TLN2: variants seen among roughly 807,000 people sequenced by gnomAD.
The protein encoded by TLN2 is talin-2.
Under a neutral mutation model 294.7 loss-of-function variants are expected in TLN2, and 118 were observed. That is an observed-to-expected ratio of 0.40 (90% CI 0.34 to 0.47). The LOEUF is 0.47. TLN2 is among the 20% of genes least tolerant of loss of function. The pLI is 0.84. For synonymous variants in TLN2, 1,431 were observed against 1,304.5 expected (o/e 1.10, Z -2.09); for missense variants, 3,083 against 3,282.2 (o/e 0.94, Z 1.48).
At chr15:62,761,418 T>C (rs1256924738) in intron 37 of TLN2, among the ~76,000 whole-genome samples, 1 of 152,144 alleles carries the variant, frequency 6.6e-6, no homozygotes, top group East Asian at 1.9e-4. Flanking sequence ...TAAATCTGTG[T>C]CTCTGCTTCC....
intron 39 of TLN2, 63 bp from the exon 40 acceptor site, chr15:62,763,500 T>C: frequency 6.5e-7 from 1 of 1,542,772 alleles, no homozygotes; most frequent in East Asian, 2.3e-5. Context: ...CCACCAGTGC[T>C]GGAGCAGGCT....
intron 1 of TLN2, among the ~76,000 whole-genome samples, chr15:62,404,912 A>G (rs1250582858): frequency 2.6e-5 from 4 of 152,192 alleles, no homozygotes; most frequent in Admixed American, 2.0e-4. Context: ...GGTTTGGTAC[A>G]CTCAAGAAGA....
chr15:62,404,453 T>C (rs941872323), intron 1 of TLN2, among the ~76,000 whole-genome samples: 10 of 152,182 alleles, frequency 6.6e-5, no homozygotes, highest in African/African-American at 2.4e-4. Context: ...GGGAGATGTC[T>C]CCTTCTTCTC....
In TLN2 at chr15:62,408,912, G is replaced by A. The variant is rs144499810; in HGVS notation, c.-238+18227G>A. 7.6e-3 allele frequency among the ~76,000 whole-genome samples: 1,144 copies of A among 150,122 alleles called. 13 individuals are homozygous for A. The highest frequency in any genetic ancestry group is 0.027 in the African/African-American group (1,099 of 40,872). On this transcript the variant is annotated intron_variant, in intron 1 of 58. Coordinates refer to ENST00000636159, the MANE Select transcript of TLN2 (RefSeq NM_015059.3). ...TGAGCTCAAACAATCCTCCTGCCTC[G>A]GCCTCCCAAAGTGCTGGGATTACAG...
At chr15:62,589,085 CGT>C (rs1044226762) in intron 1 of TLN2, among the ~76,000 whole-genome samples, 1 of 152,054 alleles carries the variant, frequency 6.6e-6, no homozygotes, top group Non-Finnish European at 1.5e-5. Context: ...TCGTAGATAA[CGT>C]GTGTGTGTTC....
At chr15:62,502,123 C>CAT (rs2140431636) in intron 1 of TLN2, among the ~76,000 whole-genome samples, 1 of 152,330 alleles carries the variant, frequency 6.6e-6, no homozygotes, top group Admixed American at 6.5e-5. Context: ...GATTGGAAGG[C>CAT]ATTGCCACAA....
At chr15:62,392,922 C>T (rs966113516) in intron 1 of TLN2, among the ~76,000 whole-genome samples, 4 of 152,034 alleles carry the variant, frequency 2.6e-5, no homozygotes, top group Admixed American at 6.6e-5. Context: ...TTATTTGGGA[C>T]CTCTATGCAA....
intron 1 of TLN2, among the ~76,000 whole-genome samples, chr15:62,535,507 T>A (rs2041294262): frequency 6.6e-6 from 1 of 151,562 alleles, no homozygotes; most frequent in Admixed American, 6.6e-5. Flanking sequence ...TCTCTCCAGG[T>A]AATTCTGGTA....
chr15:62,835,948 C>G lies in TLN2; in HGVS notation c.7249C>G (p.Gln2417Glu), dbSNP rs140723056. The G allele has an allele frequency of 3.7e-5, 59 of 1,614,220 alleles. No homozygotes were observed. The East Asian group carries it at 1.3e-3, about 35-fold the overall frequency. ...CTGTGAGGCGGCCAATGCCTCCGTTCAGGGACACGCCAGCGAGGAGAAGCT... is the reference window on the plus strand; with the variant it reads ...CTGTGAGGCGGCCAATGCCTCCGTTGAGGGACACGCCAGCGAGGAGAAGCT... ...SLCEAANASVQGHASEEKLIS... is the reference protein window; with the variant it reads ...SLCEAANASVEGHASEEKLIS... Residue 2417 changes from glutamine to glutamate, a missense_variant, in exon 57 of 59, where the codon CAG becomes GAG. Transcript: ENST00000636159.
At chr15:62,638,368 T>G (rs965782675) in intron 3 of TLN2, 2 of 363,448 alleles carry the variant, frequency 5.5e-6, no homozygotes, top group Non-Finnish European at 1.1e-5. Context: ...CACATATCCA[T>G]TTTTATAGCA....
chr15:62,763,618 T>C lies in TLN2; in HGVS notation c.5017T>C (p.Cys1673Arg). The change falls in exon 40 of 59, where the codon TGC (cysteine) becomes CGC (arginine). Residue 1673 changes from cysteine (C) to arginine (R), a missense_variant. Coordinates refer to ENST00000636159, the MANE Select transcript of TLN2 (RefSeq NM_015059.3). ...CDYSIDGINR[C>R]IRDIEQASLA... is the part of the protein sequence containing the mutation. ...TTACTCCATCGATGGCATCAACCGG[T>C]GCATCCGGGACATCGAGCAGGCCTC... 20 of 1,613,714 alleles carry C rather than the reference T, an allele frequency of 1.2e-5. No individual in the cohort carries two copies. The highest frequency in any genetic ancestry group is 1.7e-5 in the Non-Finnish European group (20 of 1,179,872).
chr15:62,489,222 AC>A (rs1441710203), intron 1 of TLN2, among the ~76,000 whole-genome samples: 3 of 152,192 alleles, frequency 2.0e-5, no homozygotes, highest in Non-Finnish European at 4.4e-5. Context: ...ATGAAGGTAT[AC>A]ACAGGGGTCC....
intron 37 of TLN2, among the ~76,000 whole-genome samples, chr15:62,757,099 A>T (rs1057309296): frequency 1.3e-5 from 2 of 152,230 alleles, no homozygotes; most frequent in Middle Eastern, 3.2e-3. Flanking sequence ...TATGTTACTC[A>T]TTCACTCCAT....
At chr15:62,489,312 C>G (rs1335012555) in intron 1 of TLN2, among the ~76,000 whole-genome samples, 1 of 152,204 alleles carries the variant, frequency 6.6e-6, no homozygotes, top group African/African-American at 2.4e-5. Context: ...AAAAACCAAA[C>G]AGGTTACACA....
chr15:62,749,062 G>C (rs2061774616), intron 33 of TLN2, among the ~76,000 whole-genome samples: 1 of 152,224 alleles, frequency 6.6e-6, no homozygotes, highest in South Asian at 2.1e-4. Flanking sequence ...CATAAAATCA[G>C]TGTACCTACT....
chr15:62,658,830 C>T (rs12593694), intron 9 of TLN2, among the ~76,000 whole-genome samples: 44,019 of 151,922 alleles, frequency 0.29, 6,824 homozygotes, highest in East Asian at 0.64. Context: ...TCTAGCCTCA[C>T]GGCTGGCCCC....
intron 32 of TLN2, among the ~76,000 whole-genome samples, chr15:62,743,630 A>C (rs1380455866): frequency 3.9e-4 from 59 of 152,138 alleles, no homozygotes. Context: ...TTTGTCACCC[A>C]TTCATCAGCC....
chr15:62,587,022 T>A (rs1046285005), intron 1 of TLN2, among the ~76,000 whole-genome samples: 1 of 152,216 alleles, frequency 6.6e-6, no homozygotes, highest in African/African-American at 2.4e-5. Flanking sequence ...TTGGTCACAG[T>A]AACACACTCA....
intron 45 of TLN2, 140 bp downstream of exon 45, chr15:62,784,030 A>G: frequency 7.0e-7 from 1 of 1,434,014 alleles, no homozygotes; most frequent in Non-Finnish European, 9.5e-7. Context: ...ACCACTGCAC[A>G]GCACAGGTCC....
Sources: gnomAD v4.1 joint callset for allele counts (sites outside exome capture counted in the v4.1 genomes callset) on GRCh38, gnomAD v4.1.1 for gene constraint, MANE v1.5 for transcripts, NCBI Gene and HGNC (gene_info 2026-07-23, HGNC 2026-07-21) for gene names.